Variants in DENND1A observed in about 807,000 individuals in gnomAD.
The protein encoded by DENND1A is DENN domain-containing protein 1A.
DENND1A carries 51 observed loss-of-function variants against 113.7 expected under a neutral mutation model. The observed-to-expected ratio is 0.45, with a 90% CI of 0.36 to 0.57. The LOEUF is 0.57. Ranked by LOEUF, DENND1A falls within the 20% of genes least tolerant of loss-of-function variation. DENND1A has a pLI of 0.00. For synonymous variants in DENND1A, 565 were observed against 570.8 expected, an observed-to-expected ratio of 0.99 and a Z score of 0.14; for missense variants, 1,258 against 1,395.9, an observed-to-expected ratio of 0.90 and a Z score of 1.57.
chr9:123,671,815 T>C (rs2063779325), intron 6 of DENND1A, among the ~76,000 whole-genome samples: 1 of 152,160 alleles, frequency 6.6e-6, no homozygotes, highest in African/African-American at 2.4e-5. Flanking sequence ...CATGGCAGCC[T>C]CCAATTATAG....
chr9:123,823,009 C>T (rs1838729336), intron 2 of DENND1A, among the ~76,000 whole-genome samples: 1 of 152,188 alleles, frequency 6.6e-6, no homozygotes, highest in African/African-American at 2.4e-5. Flanking sequence ...CTCACATCAA[C>T]TCTATGAGGC....
chr9:123,687,322 G>A (rs867165859), intron 5 of DENND1A, among the ~76,000 whole-genome samples: 1 of 152,132 alleles, frequency 6.6e-6, no homozygotes, highest in South Asian at 2.1e-4. Flanking sequence ...CACAACTGGT[G>A]GCACTACTGG....
chr9:123,619,025 G>A (rs189396248), intron 10 of DENND1A, among the ~76,000 whole-genome samples: 79 of 152,280 alleles, frequency 5.2e-4, no homozygotes, highest in African/African-American at 1.6e-3. Flanking sequence ...TCAGCTCACT[G>A]CAACCTCCAC....
chr9:123,736,661 T>C (rs1186167997), intron 5 of DENND1A, among the ~76,000 whole-genome samples: 1 of 152,210 alleles, frequency 6.6e-6, no homozygotes, highest in Non-Finnish European at 1.5e-5. Context: ...TCAAACACAT[T>C]CATGGGAATA....
intron 5 of DENND1A, among the ~76,000 whole-genome samples, chr9:123,707,095 TA>T (rs2066267047): frequency 1.3e-5 from 2 of 151,634 alleles, no homozygotes; most frequent in Non-Finnish European, 2.9e-5. Context: ...TAAATATATT[TA>T]AAGAAAAGAA....
At chr9:123,744,014 C>A (rs1218456070) in intron 5 of DENND1A, among the ~76,000 whole-genome samples, 3 of 152,004 alleles carry the variant, frequency 2.0e-5, no homozygotes, top group African/African-American at 7.3e-5. Flanking sequence ...CCGTTTGTGG[C>A]ATTCTATATT....
At chr9:123,512,050 C>T (rs2053503765) in intron 13 of DENND1A, among the ~76,000 whole-genome samples, 1 of 152,128 alleles carries the variant, frequency 6.6e-6, no homozygotes, top group East Asian at 1.9e-4. Context: ...TCACCGTGTT[C>T]CTGGAAACTA....
At chr9:123,392,009 C>T (rs1010627672) in intron 21 of DENND1A, among the ~76,000 whole-genome samples, 1 of 152,198 alleles carries the variant, frequency 6.6e-6, no homozygotes, top group Non-Finnish European at 1.5e-5. Flanking sequence ...CCCACCTTGT[C>T]TCCGCGTGGA....
chr9:123,541,439 T>C (rs1315120467), intron 13 of DENND1A, among the ~76,000 whole-genome samples: 1 of 152,228 alleles, frequency 6.6e-6, no homozygotes, highest in Admixed American at 6.5e-5. Context: ...CCTTTTAAGC[T>C]GGCAGCTGAC....
intron 9 of DENND1A, among the ~76,000 whole-genome samples, chr9:123,644,063 C>T (rs1042080690): frequency 6.6e-6 from 1 of 152,110 alleles, no homozygotes; most frequent in Admixed American, 6.5e-5. Flanking sequence ...TTAATTCCAT[C>T]TCTGCTGCTC....
chr9:123,462,059 C>T (rs1221177563), intron 13 of DENND1A: 1 of 152,206 alleles, frequency 6.6e-6, no homozygotes, highest in East Asian at 1.9e-4. Flanking sequence ...TGAGCAAATC[C>T]TGTCTGTTCA....
intron 2 of DENND1A, among the ~76,000 whole-genome samples, chr9:123,850,114 G>C (rs1843121305): frequency 1.3e-5 from 2 of 152,222 alleles, no homozygotes; most frequent in Admixed American, 1.3e-4. Flanking sequence ...ACCAGTAGCA[G>C]CGTTTGAGAG....
At chr9:123,763,812 T>TGGA (rs1188650139) in intron 4 of DENND1A, among the ~76,000 whole-genome samples, 1 of 152,034 alleles carries the variant, frequency 6.6e-6, no homozygotes, top group African/African-American at 2.4e-5. Context: ...AATTAAGCAA[T>TGGA]ATGGAGGTTT....
chr9:123,511,232 G>A (rs996064707), intron 13 of DENND1A, among the ~76,000 whole-genome samples: 3 of 152,198 alleles, frequency 2.0e-5, no homozygotes, highest in African/African-American at 7.2e-5. Flanking sequence ...GATGTCTGAG[G>A]CCTTCGAACT....
intron 1 of DENND1A, among the ~76,000 whole-genome samples, chr9:123,893,012 T>G (rs1357230468): frequency 6.6e-6 from 1 of 150,442 alleles, no homozygotes; most frequent in Non-Finnish European, 1.5e-5. Context: ...TAATAAAGAA[T>G]AAGAATAAAA....
At chr9:123,500,484 C>T (rs961421447) in intron 13 of DENND1A, among the ~76,000 whole-genome samples, 1 of 152,224 alleles carries the variant, frequency 6.6e-6, no homozygotes, top group Non-Finnish European at 1.5e-5. Context: ...GCATTTCCCC[C>T]CTTCACTGTC....
At chr9:123,801,557 C>A (rs1834670841) in intron 2 of DENND1A, among the ~76,000 whole-genome samples, 1 of 152,178 alleles carries the variant, frequency 6.6e-6, no homozygotes, top group Non-Finnish European at 1.5e-5. Context: ...CACCTTTTGG[C>A]TATTGTGAAT....
At chr9:123,522,468 C>T (rs2054474213) in intron 13 of DENND1A, among the ~76,000 whole-genome samples, 1 of 152,160 alleles carries the variant, frequency 6.6e-6, no homozygotes, top group Admixed American at 6.5e-5. Flanking sequence ...TAAAGAATTG[C>T]CATAGCAACA....
At chr9:123,464,873 G>C (rs958165797) in intron 13 of DENND1A, among the ~76,000 whole-genome samples, 5 of 151,548 alleles carry the variant, frequency 3.3e-5, no homozygotes, top group African/African-American at 1.2e-4. Context: ...AAAAGGCCGG[G>C]CACAATGGCT....
Sources: gnomAD v4.1 joint callset for allele counts (sites outside exome capture counted in the v4.1 genomes callset) on GRCh38, gnomAD v4.1.1 for gene constraint, MANE v1.5 for transcripts, NCBI Gene and HGNC (gene_info 2026-07-23, HGNC 2026-07-21) for gene names.